GALNT17: variants seen among roughly 807,000 people sequenced by gnomAD.
GALNT17 encodes the protein polypeptide N-acetylgalactosaminyltransferase 17, also known as UDP-GalNAc:polypeptide N-acetylgalactosaminyltransferase-like 3.
In GALNT17, 29 loss-of-function variants were observed where a neutral mutation model predicts 63.7. The ratio of observed to expected loss-of-function variants is 0.46; its 90% CI spans 0.34 to 0.62. The LOEUF is 0.62. Among genes scored for constraint, GALNT17 ranks in the 20% least tolerant of loss-of-function variants. The probability of loss-of-function intolerance (pLI) is 0.01; values close to 1 mark genes in which losing one functional copy is unlikely to be tolerated. For synonymous variants in GALNT17, 305 were observed against 318.3 expected (o/e 0.96, Z 0.45); for missense variants, 603 against 799.6 (o/e 0.75, Z 2.97).
intron 5 of GALNT17, among the ~76,000 whole-genome samples, chr7:71,520,582 G>A (rs1413540925): frequency 6.6e-6 from 1 of 152,146 alleles, no homozygotes; most frequent in East Asian, 1.9e-4. Context: ...ACCAGCATGG[G>A]CAGGCAAAGG....
intron 5 of GALNT17, among the ~76,000 whole-genome samples, chr7:71,466,129 T>C (rs921145299): frequency 3.3e-5 from 5 of 152,206 alleles, no homozygotes; most frequent in African/African-American, 4.8e-5. Context: ...CAGTGGCCGT[T>C]TCAAAATACA....
chr7:71,684,854 G>A (rs1791328851), intron 9 of GALNT17, among the ~76,000 whole-genome samples: 2 of 152,076 alleles, frequency 1.3e-5, no homozygotes, highest in African/African-American at 4.8e-5. Context: ...TTGTAAAGAT[G>A]GGGTCTCACT....
chr7:71,142,805 G>A (rs1224304648), intron 1 of GALNT17, among the ~76,000 whole-genome samples: 1 of 152,070 alleles, frequency 6.6e-6, no homozygotes, highest in Non-Finnish European at 1.5e-5. Flanking sequence ...GCTGGGCTTG[G>A]TGGCACATAC....
At chr7:71,355,309 A>G (rs929277330) in intron 2 of GALNT17, among the ~76,000 whole-genome samples, 3 of 152,162 alleles carry the variant, frequency 2.0e-5, no homozygotes, top group African/African-American at 7.2e-5. Flanking sequence ...TTTTATTGCT[A>G]AAAGGTTTTA....
intron 5 of GALNT17, among the ~76,000 whole-genome samples, chr7:71,482,292 G>A (rs1378711613): frequency 6.6e-6 from 1 of 152,022 alleles, no homozygotes; most frequent in African/African-American, 2.4e-5. Flanking sequence ...TGGGATTACA[G>A]GCACCTGCCA....
rs187493114 is a variant in GALNT17 at position 71,366,499 on chromosome 7, T to C, written c.423-21736T>C. Among the ~76,000 whole-genome samples the C allele has an allele frequency of 8.0e-3, 1,223 of 152,230 alleles. 17 individuals carry two copies. The highest frequency in any genetic ancestry group is 0.027 in the African/African-American group (1,110 of 41,524). On this transcript the variant is annotated intron_variant, in intron 2 of 10. Transcript: ENST00000333538. ...GGGAGGCTGAAACAGGAGAATTGCT[T>C]GAACCTGGGAAGCGGAGGTTGCAGT...
intron 8 of GALNT17, among the ~76,000 whole-genome samples, chr7:71,676,672 A>G (rs644523): frequency 0.93 from 142,087 of 152,240 alleles, 66,965 homozygotes; most frequent in Non-Finnish European, 1. Flanking sequence ...GAGCCACCGC[A>G]TCCAGCCTAA....
chr7:71,635,946 T>A (rs1790523653), intron 6 of GALNT17, among the ~76,000 whole-genome samples: 1 of 152,178 alleles, frequency 6.6e-6, no homozygotes, highest in South Asian at 2.1e-4. Flanking sequence ...GCCTGTTTTA[T>A]CAGCAAGGTC....
intron 1 of GALNT17, among the ~76,000 whole-genome samples, chr7:71,281,421 C>T (rs1236199571): frequency 1.3e-5 from 2 of 152,112 alleles, no homozygotes. Context: ...GGAAAATAGC[C>T]CATTTCCTGG....
chr7:71,168,705 ATGTG>A (rs10536926), intron 1 of GALNT17, among the ~76,000 whole-genome samples: 256 of 148,654 alleles, frequency 1.7e-3, no homozygotes, highest in Middle Eastern at 6.9e-3. Context: ...AGTTACGTGT[ATGTG>A]TGTGTGTGTG....
intron 1 of GALNT17, among the ~76,000 whole-genome samples, chr7:71,142,294 T>C (rs747720794): frequency 2.6e-5 from 4 of 152,196 alleles, no homozygotes; most frequent in Non-Finnish European, 5.9e-5. Context: ...CTTATAACTT[T>C]CTTGGACTCT....
chr7:71,137,297 GCC>G (rs1157389080), intron 1 of GALNT17, among the ~76,000 whole-genome samples: 2 of 151,796 alleles, frequency 1.3e-5, no homozygotes, highest in Non-Finnish European at 1.5e-5. Flanking sequence ...CCGCCACCAC[GCC>G]CGGCTAATTT....
At chr7:71,697,504 G>C (rs572727521) in intron 9 of GALNT17, among the ~76,000 whole-genome samples, 1 of 152,234 alleles carries the variant, frequency 6.6e-6, no homozygotes, top group Admixed American at 6.5e-5. Flanking sequence ...GCGTAACAGG[G>C]AGCTAATTGT....
At chr7:71,376,079 C>CA (rs1223963672) in intron 2 of GALNT17, among the ~76,000 whole-genome samples, 5 of 77,664 alleles carry the variant, frequency 6.4e-5, no homozygotes, top group African/African-American at 1.9e-4. Context: ...ACTCCATCTC[C>CA]AAAAAAAAGA....
At chr7:71,256,639 A>T (rs1236820399) in intron 1 of GALNT17, among the ~76,000 whole-genome samples, 1 of 152,208 alleles carries the variant, frequency 6.6e-6, no homozygotes, top group Admixed American at 6.5e-5. Flanking sequence ...CACCTTGCGC[A>T]CGTGTTCTCA....
At chr7:71,286,656 A>G (rs983784486) in intron 1 of GALNT17, among the ~76,000 whole-genome samples, 3 of 152,172 alleles carry the variant, frequency 2.0e-5, no homozygotes, top group Non-Finnish European at 4.4e-5. Context: ...GCTAGCTCCA[A>G]CATGAACTGG....
chr7:71,198,766 C>CT (rs1789104813), intron 1 of GALNT17, among the ~76,000 whole-genome samples: 2 of 152,174 alleles, frequency 1.3e-5, no homozygotes, highest in Non-Finnish European at 2.9e-5. Flanking sequence ...CAGAAGGTCT[C>CT]TATGTTTTCT....
At chr7:71,632,800 G>A (rs1000431675) in intron 6 of GALNT17, among the ~76,000 whole-genome samples, 3 of 152,006 alleles carry the variant, frequency 2.0e-5, no homozygotes, top group Non-Finnish European at 4.4e-5. Context: ...ATTAAACATT[G>A]CATCAAAATA....
At chr7:71,656,664 GA>G (rs925080021) in intron 6 of GALNT17, among the ~76,000 whole-genome samples, 2 of 152,000 alleles carry the variant, frequency 1.3e-5, no homozygotes, top group African/African-American at 2.4e-5. Flanking sequence ...TGAGGGAGGA[GA>G]AAATGATCTG....
Sources: gnomAD v4.1 joint callset for allele counts (sites outside exome capture counted in the v4.1 genomes callset) on GRCh38, gnomAD v4.1.1 for gene constraint, MANE v1.5 for transcripts, NCBI Gene and HGNC (gene_info 2026-07-23, HGNC 2026-07-21) for gene names.